Variants in ZFHX3 observed in about 807,000 individuals in gnomAD.
ZFHX3 encodes zinc finger homeobox 3.
Under a neutral mutation model 279.1 loss-of-function variants are expected in ZFHX3, and 42 were observed. The observed-to-expected ratio is 0.15, with a 90% CI of 0.12 to 0.19. The LOEUF (loss-of-function observed/expected upper bound fraction) is 0.19. ZFHX3 is among the 10% of genes least tolerant of loss of function. The pLI is 1.00. For missense variants in ZFHX3, 4,981 were observed against 4,754.0 expected (o/e 1.05, Z -1.40); for synonymous variants, 2,293 against 1,957.8 (o/e 1.17, Z -4.52).
rs774542512 is a variant in ZFHX3, at chr16:72,793,631, C to G, written c.9051G>C (p.Thr3017=). The G allele has an allele frequency of 6.2e-7, 1 of 1,614,142 alleles. No homozygotes were observed. The highest frequency in any genetic ancestry group is 1.7e-5 in the Admixed American group (1 of 60,030). Residue 3017 remains threonine, a synonymous_variant, in exon 9 of 10, where the codon ACG becomes ACC. Transcript: ENST00000268489. The surrounding 1 kb of genome is among the most constrained non-coding windows in gnomAD (Gnocchi z 4.3). ...ACTCTGTTTTGGGTCCCTCATAACT[C>G]GTTTGGTTTATACCAAAATGCTTGG... ...SMAKHFGINQ[T]SYEGPKTECT...
chr16:73,181,752 G>A (rs957347058), intron 5 of ZFHX3, among the ~76,000 whole-genome samples: 11 of 152,296 alleles, frequency 7.2e-5, no homozygotes, highest in African/African-American at 2.4e-4. Context: ...ACAGAAGTCT[G>A]TTGGGGATAT....
intron 5 of ZFHX3, among the ~76,000 whole-genome samples, chr16:73,237,598 C>G (rs73597371): frequency 0.012 from 1,781 of 145,012 alleles, 35 homozygotes; most frequent in African/African-American, 0.042. Context: ...TATTGAACTC[C>G]TGGCCTCAAG....
At chr16:72,991,368 G>A (rs1413389879) in intron 1 of ZFHX3, among the ~76,000 whole-genome samples, 1 of 152,150 alleles carries the variant, frequency 6.6e-6, no homozygotes, top group Non-Finnish European at 1.5e-5. Context: ...GTCTTGGAAT[G>A]TCTCCCCAAG....
intron 2 of ZFHX3, among the ~76,000 whole-genome samples, chr16:73,496,641 T>C (rs2019147030): frequency 6.6e-6 from 1 of 152,262 alleles, no homozygotes; most frequent in South Asian, 2.1e-4. Flanking sequence ...AGTTAGTTGG[T>C]GGTTGGACTC....
rs534500427 is a variant in ZFHX3 at position 73,596,178 on chromosome 16, C to T, written c.-1547+84002G>A. Among the ~76,000 whole-genome samples the T allele has an allele frequency of 3.4e-3, 517 of 151,904 alleles. 2 individuals carry two copies. The highest frequency in any genetic ancestry group is 6.5e-3 in the Admixed American group (99 of 15,254). ...CTGGGACTACAGGCAAATGCCACCA[C>T]GCCCGGCTAATTTTTCGTATTTTTA... is the stretch of plus-strand genomic sequence containing the variant. On this transcript the variant is annotated intron_variant, in intron 2 of 17. Transcript: ENST00000641206.
At chr16:73,147,987 A>C (rs1455353184) in intron 5 of ZFHX3, among the ~76,000 whole-genome samples, 1 of 152,256 alleles carries the variant, frequency 6.6e-6, no homozygotes, top group Non-Finnish European at 1.5e-5. Context: ...GTATCTATTT[A>C]GAAAGTTTAG....
chr16:73,168,139 T>C (rs932517192), intron 5 of ZFHX3, among the ~76,000 whole-genome samples: 1 of 152,218 alleles, frequency 6.6e-6, no homozygotes, highest in African/African-American at 2.4e-5. Flanking sequence ...TTTCATTACT[T>C]TTGTTTCAAA....
At chr16:73,846,875 T>C (rs1474767371) in intron 1 of ZFHX3, among the ~76,000 whole-genome samples, 1 of 152,190 alleles carries the variant, frequency 6.6e-6, no homozygotes, top group African/African-American at 2.4e-5. Context: ...ACTAACCTCT[T>C]GATTAAATTT....
chr16:73,842,580 G>C (rs1961338139), intron 1 of ZFHX3, among the ~76,000 whole-genome samples: 1 of 152,136 alleles, frequency 6.6e-6, no homozygotes, highest in African/African-American at 2.4e-5. Flanking sequence ...GATGCAGTCA[G>C]ATGATGGCCA....
At chr16:73,377,480 T>G (rs1227782659) in intron 3 of ZFHX3, among the ~76,000 whole-genome samples, 1 of 152,062 alleles carries the variant, frequency 6.6e-6, no homozygotes, top group East Asian at 1.9e-4. Flanking sequence ...CCTTGCACAT[T>G]TAGATGCTTG....
At chr16:73,143,824 C>T in exon 6 of ZFHX3, 1 of 1,293,888 alleles carries the variant, frequency 7.7e-7, no homozygotes, top group South Asian at 1.3e-5. Flanking sequence ...TAACTTATAT[C>T]TTCCGAGCTG....
Position 72,795,354 on chromosome 16 carries a change from G to C in ZFHX3, c.7328C>G (p.Thr2443Ser), listed in dbSNP as rs759261584. Residue 2443 changes from threonine to serine, a missense_variant, in exon 9 of 10, where the codon ACC (threonine) becomes AGC (serine). Thr to Ser is a moderately conservative substitution (Grantham distance 58). This residue lies in a region of ZFHX3 where 744 missense variants were observed against 701.3 expected (regional missense o/e 1.06). Coordinates refer to ENST00000268489, the MANE Select transcript of ZFHX3 (RefSeq NM_006885.4). ...AEAPSAQPNQ[T>S]QEKQGQPKPE... The stretch of plus-strand genomic sequence containing the variant: ...CTTTGGTTGTCCTTGCTTTTCTTGG[G>C]TTTGGTTTGGCTGTGCACTGGGAGC... The C allele has an allele frequency of 6.2e-6, 10 of 1,613,958 alleles. No individual in the cohort carries two copies. The highest frequency in any genetic ancestry group is 8.5e-6 in the Non-Finnish European group (10 of 1,180,018).
At chr16:73,540,366 A>G (rs948937577) in intron 2 of ZFHX3, among the ~76,000 whole-genome samples, 4 of 152,240 alleles carry the variant, frequency 2.6e-5, no homozygotes, top group African/African-American at 9.6e-5. Context: ...CAAGGAAGAT[A>G]TATTTTCTCT....
At chr16:73,035,864 A>G (rs1964881560) in intron 1 of ZFHX3, among the ~76,000 whole-genome samples, 1 of 152,234 alleles carries the variant, frequency 6.6e-6, no homozygotes. Context: ...AGATTGTGCC[A>G]CTGGATTCCA....
chr16:73,880,717 A>G (rs2030118349), intron 1 of ZFHX3, among the ~76,000 whole-genome samples: 1 of 152,174 alleles, frequency 6.6e-6, no homozygotes, highest in Non-Finnish European at 1.5e-5. Context: ...ACAGAACACA[A>G]AATAATTTTG....
intron 5 of ZFHX3, among the ~76,000 whole-genome samples, chr16:73,205,073 T>A (rs1212439313): frequency 6.6e-6 from 1 of 151,942 alleles, no homozygotes; most frequent in African/African-American, 2.4e-5. Flanking sequence ...GAATAACGAG[T>A]GTGGGCTGCT....
At chr16:73,410,770 A>C (rs191264749) in intron 3 of ZFHX3, among the ~76,000 whole-genome samples, 190 of 152,340 alleles carry the variant, frequency 1.2e-3, no homozygotes, top group African/African-American at 4.3e-3. Context: ...CCTAAGAATG[A>C]AGAATCACAG....
intron 3 of ZFHX3, among the ~76,000 whole-genome samples, chr16:73,397,518 C>T (rs914735533): frequency 3.9e-5 from 6 of 152,102 alleles, no homozygotes; most frequent in Middle Eastern, 3.2e-3. Flanking sequence ...ATTTGATTTG[C>T]ATACTGAAGA....
At position 72,858,239 on chromosome 16, in the gene ZFHX3, C is replaced by T. The variant is rs1468737784; in HGVS notation, c.3449-28380G>A. Among the ~76,000 whole-genome samples the T allele has an allele frequency of 3.3e-5, 5 of 152,320 alleles. No individual in the cohort carries two copies. The East Asian group carries it at 7.7e-4, about 23-fold the overall frequency. ...ATGAAATCCAAAGCAACGAGGCTGA[C>T]TTTATGACTTATTTATTTATTTCTT... On this transcript the variant is annotated intron_variant, in intron 4 of 9. Transcript: ENST00000268489.
Sources: allele counts gnomAD v4.1 joint callset (sites outside exome capture counted in the v4.1 genomes callset), GRCh38; gene constraint gnomAD v4.1.1; regional missense constraint gnomAD v4.1.1; non-coding constraint Gnocchi (gnomAD v3.1); transcripts MANE v1.5; gene names NCBI Gene and HGNC (gene_info 2026-07-23, HGNC 2026-07-21).